The following SLC30A10 variants were observed in gnomAD, a reference collection of about 807,000 sequenced individuals.
SLC30A10 encodes calcium/manganese antiporter SLC30A10.
A neutral mutation model predicts 21.7 loss-of-function variants in SLC30A10; 8 were observed. The ratio of observed to expected loss-of-function variants is 0.37; its 90% confidence interval spans 0.22 to 0.67. The LOEUF is 0.67. SLC30A10 is among the 30% of genes least tolerant of loss of function. SLC30A10 has a pLI of 0.58. For synonymous variants in SLC30A10, 272 were observed against 279.4 expected, an observed-to-expected ratio of 0.97 and a Z score of 0.26; for missense variants, 521 against 642.5, an observed-to-expected ratio of 0.81 and a Z score of 2.04.
At position 219,918,163 on chromosome 1, in the gene SLC30A10, TAACTC is replaced by T; in HGVS notation, c.958+87_958+91del. The T allele has an allele frequency of 6.7e-7, 1 of 1,495,138 alleles. No individual in the cohort carries two copies. The highest frequency in any genetic ancestry group is 1.3e-5 in the South Asian group (1 of 77,432). The allele number at this position is 1,495,138 out of a possible 1,614,324, so 92.6% of individuals were successfully genotyped here. On this transcript the variant is annotated intron_variant, in intron 3 of 3. Transcript: ENST00000366926. The surrounding 1 kb of genome is among the most constrained non-coding windows in gnomAD (Gnocchi z 4.4). The stretch of plus-strand genomic sequence containing the variant: ...GTGATTTAAGGTGTTTCAGAATACA[TAACTC>T]AAACACTGCTCTTAAATAATGCTTG...
At chr1:219,940,857 C>A (rs1236108615) in intron 1 of SLC30A10, among the ~76,000 whole-genome samples, 1 of 152,154 alleles carries the variant, frequency 6.6e-6, no homozygotes, top group African/African-American at 2.4e-5. Flanking sequence ...GTGAGACTAT[C>A]TAACTCAGAG....
Position 219,912,166 on chromosome 1 carries a change from A to G in SLC30A10, c.*3283T>C, listed in dbSNP as rs531257845. Among the ~76,000 whole-genome samples, 1 of 116,052 alleles carries G rather than the reference A, an allele frequency of 8.6e-6. No individual in the cohort carries two copies. Among genetic ancestry groups the G allele is most frequent in the Admixed American group, 9.6e-5 (1 of 10,384 alleles). The allele number at this position is 116,052 out of a possible 152,430, so 76.1% of individuals were successfully genotyped here. A position where few individuals can be genotyped will look rare whatever the true frequency, so the allele number is the denominator to read the frequency against. ...ACCACCACTGGAATTTGCTCTACCA[A>G]TGGCAAAAAAAAAAAAAAAAAAAAA... On this transcript the variant is annotated 3_prime_UTR_variant, in exon 4 of 4. Transcript: ENST00000366926.
intron 2 of SLC30A10, among the ~76,000 whole-genome samples, chr1:219,919,621 C>G (rs1659628920): frequency 6.6e-6 from 1 of 152,032 alleles, no homozygotes; most frequent in East Asian, 1.9e-4. Context: ...ACTAAAAATA[C>G]AAAAAATTAG....
Position 219,928,197 on chromosome 1 carries a change from C to T in SLC30A10, c.244G>A (p.Ala82Thr), listed in dbSNP as rs1264116152. 6.4e-7 allele frequency: 1 copy of T among 1,560,088 alleles called. No homozygotes were observed. Among genetic ancestry groups the T allele is most frequent in the Admixed American group, 1.9e-5 (1 of 51,578 alleles). The change falls in exon 1 of 4, where the codon GCG becomes ACG. Residue 82 changes from alanine (A) to threonine (T), a missense_variant. Ala to Thr is a moderately conservative substitution (Grantham distance 58). Transcript: ENST00000366926. The surrounding 1 kb of genome is among the most constrained non-coding windows in gnomAD (Gnocchi z 6.3). ...GTGAGGAAGACCGCGTTGCTCAGCG[C>T]GCCCACCACCTCGGCGCGGGCGTAG... is the stretch of plus-strand genomic sequence containing the variant. ...YGYARAEVVGALSNAVFLTAL... is the reference protein window; with the variant it reads ...YGYARAEVVGTLSNAVFLTAL...
rs1188981707 is a variant in SLC30A10 at position 219,915,961 on chromosome 1, A to G, written c.959-13T>C. ...GAGAGTTTACTCACTATAACAGAGA[A>G]GAGCAAACAAAAGCCAAGGTGAGCG... is the stretch of plus-strand genomic sequence containing the variant. On this transcript the variant is annotated splice_polypyrimidine_tract_variant and intron_variant, in intron 3 of 3. Transcript: ENST00000366926. 6.2e-7 allele frequency: 1 copy of G among 1,602,706 alleles called. No homozygotes were observed. The highest frequency in any genetic ancestry group is 8.5e-7 in the Non-Finnish European group (1 of 1,173,732).
At chr1:219,926,992 G>A (rs1450299927) in intron 2 of SLC30A10, 36 bp downstream of exon 2, 10 of 1,501,166 alleles carry the variant, frequency 6.7e-6, no homozygotes, top group Non-Finnish European at 7.4e-6. Context: ...GTGTGTCATA[G>A]AAAGGGATTT....
chr1:219,955,652 G>A (rs1660338745), intron 1 of SLC30A10, among the ~76,000 whole-genome samples: 2 of 152,200 alleles, frequency 1.3e-5, no homozygotes, highest in South Asian at 4.1e-4. Flanking sequence ...TTCTACACCA[G>A]ATAGATAAGC....
At chr1:219,921,904 T>TGTGTGA (rs1200596880) in intron 2 of SLC30A10, among the ~76,000 whole-genome samples, 3 of 84,706 alleles carry the variant, frequency 3.5e-5, no homozygotes, top group Admixed American at 1.2e-4. Flanking sequence ...TGTGTGTGTG[T>TGTGTGA]GAAAGAGAGA....
intron 1 of SLC30A10, 24 bp from the exon 2 acceptor site, chr1:219,927,129 T>G: frequency 1.2e-5 from 19 of 1,613,188 alleles, no homozygotes; most frequent in Non-Finnish European, 1.6e-5. Flanking sequence ...AGAAACCTTG[T>G]GTTGTGTATA....
Position 219,911,513 on chromosome 1 carries a change from G to C in SLC30A10, c.*3936C>G, listed in dbSNP as rs1330410089. On this transcript the variant is annotated 3_prime_UTR_variant, in exon 4 of 4. Coordinates refer to ENST00000366926, the MANE Select transcript of SLC30A10 (RefSeq NM_018713.3). Reference sequence around the variant, plus strand: ...AAATTGAGGATATTCAGGAGTTAAAGAGATCAGCACAGAAGAGTGAGACCA... The same window carrying C: ...AAATTGAGGATATTCAGGAGTTAAACAGATCAGCACAGAAGAGTGAGACCA... 6.6e-6 allele frequency among the ~76,000 whole-genome samples: 1 copy of C among 152,062 alleles called. No homozygotes were observed. Among genetic ancestry groups the C allele is most frequent in the African/African-American group, 2.4e-5 (1 of 41,416 alleles).
upstream of SLC30A10, among the ~76,000 whole-genome samples, chr1:219,929,443 AC>A (rs1413175469): frequency 1.3e-5 from 2 of 151,218 alleles, no homozygotes; most frequent in Admixed American, 6.6e-5. Flanking sequence ...TATTCTACTC[AC>A]CCCCACGTGT....
chr1:219,917,909 C>A (rs1435720589), intron 3 of SLC30A10, among the ~76,000 whole-genome samples: 1 of 152,068 alleles, frequency 6.6e-6, no homozygotes, highest in African/African-American at 2.4e-5. Flanking sequence ...GACAGGGTTT[C>A]ACCATGTTGG....
rs371563840 is a variant in SLC30A10, at chr1:219,927,783, G to T, written c.640+18C>A. 3.5e-5 allele frequency: 54 copies of T among 1,527,406 alleles called. No homozygotes were observed. The highest frequency in any genetic ancestry group is 4.7e-5 in the Non-Finnish European group (54 of 1,138,326). The allele number at this position is 1,527,406 out of a possible 1,614,324, so 94.6% of individuals were successfully genotyped here. ...GAAGGAAGGGCCAAGCGGTCCAAAG[G>T]ATGCAACCGAAAGGCACCTGCTACG... On this transcript the variant is annotated intron_variant, in intron 1 of 3. Transcript: ENST00000366926.
rs544863626 is a variant in SLC30A10 at position 219,944,411 on chromosome 1, G to A, written n.80+14157C>T. On this transcript the variant is annotated intron_variant and non_coding_transcript_variant, in intron 1 of 8. Coordinates refer to the SLC30A10 transcript ENST00000484239. ...TGCAATGAGCCGAGATCGCGCCACT[G>A]CAGTCCAGCCTGGGTGACAGAGCAA... 4.4e-4 allele frequency among the ~76,000 whole-genome samples: 67 copies of A among 151,960 alleles called. 1 individual carries two copies. Among genetic ancestry groups the A allele is most frequent in the Non-Finnish European group, 5.9e-4 (40 of 67,956 alleles).
intron 2 of SLC30A10, among the ~76,000 whole-genome samples, chr1:219,926,472 G>GCTTCCGAC (rs60428807): frequency 0.13 from 19,860 of 151,952 alleles, 1,690 homozygotes; most frequent in African/African-American, 0.24. Flanking sequence ...TTAGTCCAGT[G>GCTTCCGAC]CTTCCGACCT....
intron 2 of SLC30A10, among the ~76,000 whole-genome samples, chr1:219,921,915 G>A (rs1175416688): frequency 1.5e-5 from 1 of 65,794 alleles, no homozygotes; most frequent in African/African-American, 7.6e-5. Context: ...GAAAGAGAGA[G>A]AGAGACAGAG....
rs1368616694 is a variant in SLC30A10 at position 219,948,141 on chromosome 1, G to A, written n.80+10427C>T. On this transcript the variant is annotated intron_variant and non_coding_transcript_variant, in intron 1 of 8. Coordinates refer to the SLC30A10 transcript ENST00000484239. ...ACAAACAAATGGAAGAACATTCCAT[G>A]CTCATGGGTAGGAAGAATCAATATC... Among the ~76,000 whole-genome samples the A allele has an allele frequency of 2.0e-5, 3 of 151,326 alleles. No homozygotes were observed. In the East Asian group the frequency reaches 5.8e-4, roughly 29 times the overall value.
upstream of SLC30A10, chr1:219,928,558 G>T: frequency 1.0e-6 from 1 of 953,636 alleles, no homozygotes. This position sits in a 1 kb window ranked among gnomAD's most constrained non-coding sequence, Gnocchi z 6.3. Flanking sequence ...CTCCCAGATT[G>T]TCTCGCCGGC....
Position 219,911,149 on chromosome 1 carries a change from G to GTTT in SLC30A10, c.*4297_*4299dup. Among the ~76,000 whole-genome samples the GTTT allele has an allele frequency of 9.6e-3, 474 of 49,332 alleles. 28 individuals carry two copies. Among genetic ancestry groups the GTTT allele is most frequent in the East Asian group, 0.037 (43 of 1,178 alleles). The allele number at this position is 49,332 out of a possible 152,430, so 32.4% of individuals were successfully genotyped here. ...ATGTTTCTTCATTTTTTCTACATCA[G>GTTT]TTTTTTTTTTTTTTTTTTTTTTTTT... On this transcript the variant is annotated 3_prime_UTR_variant, in exon 4 of 4. Transcript: ENST00000366926.
Sources: gnomAD v4.1 joint callset for allele counts (sites outside exome capture counted in the v4.1 genomes callset) on GRCh38, gnomAD v4.1.1 for gene constraint, Gnocchi (gnomAD v3.1) non-coding constraint, MANE v1.5 for transcripts, NCBI Gene and HGNC (gene_info 2026-07-23, HGNC 2026-07-21) for gene names.